Variants in RANBP3 observed in about 807,000 individuals in gnomAD.
RANBP3 encodes RAN binding protein 3.
In RANBP3, 14 loss-of-function variants were observed where a neutral mutation model predicts 77.3. The observed-to-expected ratio is 0.18, with a 90% CI of 0.12 to 0.28. The LOEUF (loss-of-function observed/expected upper bound fraction) is 0.28. Among genes scored for constraint, RANBP3 ranks in the 10% least tolerant of loss-of-function variants. The pLI, the probability that RANBP3 is intolerant of heterozygous loss-of-function variation, is 1.00. For synonymous variants in RANBP3, 315 were observed against 312.4 expected (o/e 1.01, Z -0.09); for missense variants, 586 against 752.3 (o/e 0.78, Z 2.59).
intron 1 of RANBP3, among the ~76,000 whole-genome samples, chr19:5,969,894 CA>C (rs2058510894): frequency 6.6e-6 from 1 of 152,220 alleles, no homozygotes; most frequent in African/African-American, 2.4e-5. Flanking sequence ...ACTCAGCTGC[CA>C]AAAGGCCAGA....
At chr19:5,937,589 G>T (rs1302374740) in intron 5 of RANBP3, among the ~76,000 whole-genome samples, 1 of 152,224 alleles carries the variant, frequency 6.6e-6, no homozygotes, top group Non-Finnish European at 1.5e-5. Flanking sequence ...AAGGGACAGA[G>T]AAATTCTTCT....
At chr19:5,935,073 A>G (rs1026461221) in intron 5 of RANBP3, among the ~76,000 whole-genome samples, 8 of 152,184 alleles carry the variant, frequency 5.3e-5, no homozygotes, top group Non-Finnish European at 1.2e-4. Context: ...AACTCTGTGG[A>G]TGTACTAAAA....
intron 5 of RANBP3, among the ~76,000 whole-genome samples, chr19:5,940,254 T>C (rs1465699125): frequency 1.3e-5 from 2 of 151,982 alleles, no homozygotes; most frequent in Non-Finnish European, 2.9e-5. Flanking sequence ...CCCAAACACC[T>C]CCTCTTCTCT....
chr19:5,964,572 C>T (rs1009756852), intron 1 of RANBP3, among the ~76,000 whole-genome samples: 3 of 152,028 alleles, frequency 2.0e-5, no homozygotes, highest in Non-Finnish European at 4.4e-5. Context: ...GCACAGCAGG[C>T]CCTGGGAACA....
chr19:5,947,385 A>T (rs1236972015), intron 3 of RANBP3, among the ~76,000 whole-genome samples: 2 of 151,994 alleles, frequency 1.3e-5, no homozygotes, highest in Non-Finnish European at 2.9e-5. Flanking sequence ...AGCTCCGAAG[A>T]CTCGAGCTTA....
At chr19:5,922,284 G>A (rs2057831630) in intron 13 of RANBP3, among the ~76,000 whole-genome samples, 1 of 152,188 alleles carries the variant, frequency 6.6e-6, no homozygotes, top group South Asian at 2.1e-4. Flanking sequence ...CCCCTACATG[G>A]CTTTCCACAT....
intron 3 of RANBP3, among the ~76,000 whole-genome samples, chr19:5,950,389 A>G (rs906625028): frequency 2.6e-5 from 4 of 152,110 alleles, no homozygotes; most frequent in African/African-American, 9.7e-5. Flanking sequence ...TCCATCACAC[A>G]CTGACTCCTC....
At chr19:5,933,523 T>A in intron 5 of RANBP3, 44 bp from the exon 6 acceptor site, 1 of 1,577,812 alleles carries the variant, frequency 6.3e-7, no homozygotes, top group South Asian at 1.1e-5. Context: ...CTGCCTGGGC[T>A]GGGGCTGGGC....
At chr19:5,923,749 G>A (rs2057860810) in intron 12 of RANBP3, 63 bp downstream of exon 12, 2 of 1,370,234 alleles carry the variant, frequency 1.5e-6, no homozygotes, top group Non-Finnish European at 1.0e-6. Flanking sequence ...GGGTGTGAAT[G>A]GACCCAGCAT....
At chr19:5,936,197 G>A (rs569066242) in intron 5 of RANBP3, among the ~76,000 whole-genome samples, 12 of 152,358 alleles carry the variant, frequency 7.9e-5, no homozygotes, top group Non-Finnish European at 1.3e-4. Flanking sequence ...CGTGGACGGC[G>A]CTGGTGCAGG....
chr19:5,954,037 T>C (rs916841614), intron 2 of RANBP3, among the ~76,000 whole-genome samples: 1 of 152,258 alleles, frequency 6.6e-6, no homozygotes, highest in East Asian at 1.9e-4. Flanking sequence ...AGAAAACCGC[T>C]GTGTGGCTTT....
At position 5,952,023 on chromosome 19, in the gene RANBP3, G is replaced by A. The variant is rs1467294810; in HGVS notation, c.79-427C>T. Among the ~76,000 whole-genome samples the A allele has an allele frequency of 6.6e-6, 1 of 152,198 alleles. No homozygotes were observed. Among genetic ancestry groups the A allele is most frequent in the Non-Finnish European group, 1.5e-5 (1 of 68,024 alleles). ...CACCATTTCTGTGCTTTAGGAAAGA[G>A]GGAGGTGGCTGGAACCCCAAAGTTA... On this transcript the variant is annotated intron_variant, in intron 2 of 16. Coordinates refer to ENST00000340578, the MANE Select transcript of RANBP3 (RefSeq NM_007322.3). This position sits in a 1 kb window ranked among gnomAD's most constrained non-coding sequence, Gnocchi z 4.1.
chr19:5,933,411 T>A lies in RANBP3; in HGVS notation c.472+3A>T, dbSNP rs2145093676. On this transcript the variant is annotated splice_donor_region_variant and intron_variant, in intron 6 of 16. Coordinates refer to ENST00000340578, the MANE Select transcript of RANBP3 (RefSeq NM_007322.3). ...CCCCGCCCCAGGGAGGTAGACGACC[T>A]ACCTGCGCTGGGGGCTTGGCCGTGG... 2 of 1,610,268 alleles carry A rather than the reference T, an allele frequency of 1.2e-6. No individual in the cohort carries two copies. Among genetic ancestry groups the A allele is most frequent in the East Asian group, 4.5e-5 (2 of 44,592 alleles).
chr19:5,947,934 A>T (rs1009868656), intron 3 of RANBP3, among the ~76,000 whole-genome samples: 5 of 152,316 alleles, frequency 3.3e-5, no homozygotes, highest in Non-Finnish European at 5.9e-5. Flanking sequence ...AAACAGTGAA[A>T]ATCATGGTTG....
At chr19:5,951,641 G>A in intron 2 of RANBP3, 45 bp from the exon 3 acceptor site, 3 of 1,542,884 alleles carry the variant, frequency 1.9e-6, no homozygotes, top group Non-Finnish European at 2.7e-6. Flanking sequence ...AATAAAGGCT[G>A]CATCACACAG....
At position 5,921,780 on chromosome 19, in the gene RANBP3, C is replaced by T. The variant is rs1331392993; in HGVS notation, c.1210-459G>A. ...TGTTCACACACAGATCGCACATGAA[C>T]GTGCACAGCACCATCATTCACGGTA... On this transcript the variant is annotated intron_variant, in intron 13 of 16. Coordinates refer to ENST00000340578, the MANE Select transcript of RANBP3 (RefSeq NM_007322.3). The surrounding 1 kb of genome is among the most constrained non-coding windows in gnomAD (Gnocchi z 5.3). 4.6e-5 allele frequency among the ~76,000 whole-genome samples: 7 copies of T among 152,206 alleles called. No homozygotes were observed. Among genetic ancestry groups the T allele is most frequent in the South Asian group, 2.1e-4 (1 of 4,828 alleles).
Position 5,917,299 on chromosome 19 carries a change from G to A in RANBP3, c.*311C>T. 2.3e-6 allele frequency: 1 copy of A among 438,330 alleles called. No individual in the cohort carries two copies. Among genetic ancestry groups the A allele is most frequent in the Non-Finnish European group, 4.1e-6 (1 of 243,346 alleles). The allele number at this position is 438,330 out of a possible 1,614,324, so 27.2% of individuals were successfully genotyped here. A position where few individuals can be genotyped will look rare whatever the true frequency, so the allele number is the denominator to read the frequency against. Reference sequence around the variant, plus strand: ...AGAGGCTGGCGACACGCGGGGTGAAGGAACGAGGTCTCCAGTCCCAGTGAG... The same window carrying A: ...AGAGGCTGGCGACACGCGGGGTGAAAGAACGAGGTCTCCAGTCCCAGTGAG... On this transcript the variant is annotated 3_prime_UTR_variant, in exon 17 of 17. Transcript: ENST00000340578.
intron 3 of RANBP3, among the ~76,000 whole-genome samples, chr19:5,944,781 T>C (rs1173081860): frequency 6.6e-6 from 1 of 152,190 alleles, no homozygotes; most frequent in African/African-American, 2.4e-5. Flanking sequence ...CATCCATTCC[T>C]AACAGCAGGC....
intron 1 of RANBP3, among the ~76,000 whole-genome samples, chr19:5,964,661 C>T: frequency 6.6e-6 from 1 of 152,040 alleles, no homozygotes; most frequent in Non-Finnish European, 1.5e-5. Context: ...GCTGTCTGGA[C>T]AGAAGGACAA....
Sources: gnomAD v4.1 joint callset for allele counts (sites outside exome capture counted in the v4.1 genomes callset) on GRCh38, gnomAD v4.1.1 for gene constraint, Gnocchi (gnomAD v3.1) non-coding constraint, MANE v1.5 for transcripts, NCBI Gene and HGNC (gene_info 2026-07-23, HGNC 2026-07-21) for gene names.